The following ITGA9 variants were observed in gnomAD, a reference collection of about 807,000 sequenced individuals.
ITGA9 encodes the protein integrin subunit alpha 9.
In ITGA9, 56 loss-of-function variants were observed where a neutral mutation model predicts 127.8. That is an observed-to-expected ratio of 0.44 (90% CI 0.35 to 0.55). ITGA9 has a LOEUF of 0.55. ITGA9 is among the 20% of genes least tolerant of loss of function. ITGA9 has a pLI of 0.00. For missense variants in ITGA9, 1,196 were observed against 1,347.1 expected (o/e 0.89, Z 1.76); for synonymous variants, 508 against 514.5 (o/e 0.99, Z 0.17).
intron 3 of ITGA9, among the ~76,000 whole-genome samples, chr3:37,481,270 A>G (rs1042347397): frequency 1.3e-5 from 2 of 152,038 alleles, no homozygotes; most frequent in African/African-American, 2.4e-5. Flanking sequence ...TTGTTGATAT[A>G]TTTATTTCCT....
chr3:37,604,983 A>G (rs936817712), intron 15 of ITGA9, among the ~76,000 whole-genome samples: 2 of 152,228 alleles, frequency 1.3e-5, no homozygotes, highest in African/African-American at 4.8e-5. Context: ...AATAGACATG[A>G]GTACTCTTCA....
At chr3:37,653,233 A>G (rs1700445684) in intron 16 of ITGA9, among the ~76,000 whole-genome samples, 2 of 152,334 alleles carry the variant, frequency 1.3e-5, no homozygotes, top group South Asian at 2.1e-4. Flanking sequence ...GTTAATACTG[A>G]CAATTCAATA....
At chr3:37,557,439 C>T (rs1699441676) in intron 15 of ITGA9, among the ~76,000 whole-genome samples, 2 of 152,266 alleles carry the variant, frequency 1.3e-5, no homozygotes, top group South Asian at 2.1e-4. Context: ...TGAGGAAACC[C>T]ACCCCTTCGA....
intron 15 of ITGA9, among the ~76,000 whole-genome samples, chr3:37,588,382 C>T (rs1034507778): frequency 1.4e-5 from 2 of 142,796 alleles, no homozygotes; most frequent in Non-Finnish European, 3.1e-5. Flanking sequence ...TCTGTGCATG[C>T]GTGTGTGGAC....
Position 37,823,003 on chromosome 3 carries a change from GAT to G in ITGA9, c.*4020_*4021del, listed in dbSNP as rs1251291023. On this transcript the variant is annotated 3_prime_UTR_variant, in exon 28 of 28. Coordinates refer to ENST00000264741, the MANE Select transcript of ITGA9 (RefSeq NM_002207.3). ...TATGCACACTTTTAGCTGATATTTT[GAT>G]ATATAGAATAATAATATACACAGTG... 6.6e-6 allele frequency: 1 copy of G among 152,076 alleles called. No homozygotes were observed. Among genetic ancestry groups the G allele is most frequent in the Non-Finnish European group, 1.5e-5 (1 of 68,022 alleles). The allele number at this position is 152,076 out of a possible 1,614,324, so 9.4% of individuals were successfully genotyped here. A position where few individuals can be genotyped will look rare whatever the true frequency, so the allele number is the denominator to read the frequency against.
chr3:37,733,297 G>T (rs1056967327), intron 19 of ITGA9, among the ~76,000 whole-genome samples: 1 of 152,016 alleles, frequency 6.6e-6, no homozygotes, highest in Non-Finnish European at 1.5e-5. Context: ...AGTCACTTTG[G>T]TATTGGTATG....
At chr3:37,760,833 C>T (rs1041587505) in intron 23 of ITGA9, among the ~76,000 whole-genome samples, 1 of 152,078 alleles carries the variant, frequency 6.6e-6, no homozygotes, top group Non-Finnish European at 1.5e-5. Context: ...AAATGTTAAA[C>T]TTTTATGTGA....
chr3:37,452,874 A>T lies in ITGA9; in HGVS notation c.185+315A>T, dbSNP rs1380524462. 6.6e-6 allele frequency among the ~76,000 whole-genome samples: 1 copy of T among 151,792 alleles called. No homozygotes were observed. The highest frequency in any genetic ancestry group is 1.5e-5 in the Non-Finnish European group (1 of 67,926). ...CCGCCGCCCAGCTAGACTCGGCTTCACTCTCTGAATCGAAAAGTAACTTGG... is the reference window on the plus strand; with the variant it reads ...CCGCCGCCCAGCTAGACTCGGCTTCTCTCTCTGAATCGAAAAGTAACTTGG... On this transcript the variant is annotated intron_variant, in intron 1 of 27. Transcript: ENST00000264741. This position sits in a 1 kb window ranked among gnomAD's most constrained non-coding sequence, Gnocchi z 7.3.
intron 17 of ITGA9, among the ~76,000 whole-genome samples, chr3:37,669,171 C>T (rs1276103959): frequency 6.6e-6 from 1 of 152,202 alleles, no homozygotes; most frequent in African/African-American, 2.4e-5. Flanking sequence ...TGGTGTCACA[C>T]CCACATCCCT....
intron 15 of ITGA9, among the ~76,000 whole-genome samples, chr3:37,622,832 C>CA (rs982804010): frequency 1.0e-3 from 151 of 143,844 alleles, no homozygotes; most frequent in African/African-American, 3.3e-3. Flanking sequence ...GAAACTCTGT[C>CA]AAAAAAAAAA....
intron 5 of ITGA9, among the ~76,000 whole-genome samples, chr3:37,502,187 C>G (rs1240067205): frequency 6.7e-6 from 1 of 150,238 alleles, no homozygotes; most frequent in African/African-American, 2.5e-5. Context: ...ATGCTGAAGA[C>G]AGCTGTGCCT....
At chr3:37,520,825 CA>C (rs1392603791) in intron 11 of ITGA9, among the ~76,000 whole-genome samples, 3 of 152,174 alleles carry the variant, frequency 2.0e-5, no homozygotes, top group Non-Finnish European at 2.9e-5. Flanking sequence ...CGTGCTCGGG[CA>C]GCGGTCAGGG....
intron 13 of ITGA9, among the ~76,000 whole-genome samples, chr3:37,531,321 A>G: frequency 6.6e-6 from 1 of 152,200 alleles, no homozygotes; most frequent in Non-Finnish European, 1.5e-5. Context: ...GGCCTCTGAA[A>G]GATTTCTGGG....
At chr3:37,790,517 G>C in intron 26 of ITGA9, 1 of 290,828 alleles carries the variant, frequency 3.4e-6, no homozygotes, top group East Asian at 8.4e-5. Flanking sequence ...AGGGCGTCTG[G>C]AGCATGCACA....
chr3:37,624,164 C>T (rs74358260), intron 15 of ITGA9, among the ~76,000 whole-genome samples: 2,290 of 149,944 alleles, frequency 0.015, 54 homozygotes, highest in African/African-American at 0.051. Flanking sequence ...TAATTTACCC[C>T]GGCAGCTGCT....
In ITGA9 at chr3:37,470,361, A is replaced by G. The variant is rs533580127; in HGVS notation, c.186-646A>G. Among the ~76,000 whole-genome samples the G allele has an allele frequency of 3.2e-4, 49 of 152,214 alleles. 1 individual carries two copies. In the East Asian group the frequency reaches 8.1e-3, roughly 25 times the overall value. ...AGTGTATGAAGGTTCTAGTTACTCTATATCCTTGCCAGCACTTGGGATTTT... is the reference window on the plus strand; with the variant it reads ...AGTGTATGAAGGTTCTAGTTACTCTGTATCCTTGCCAGCACTTGGGATTTT... On this transcript the variant is annotated intron_variant, in intron 1 of 27. Coordinates refer to ENST00000264741, the MANE Select transcript of ITGA9 (RefSeq NM_002207.3).
chr3:37,776,869 C>A (rs564468355), intron 23 of ITGA9, among the ~76,000 whole-genome samples: 2 of 152,274 alleles, frequency 1.3e-5, no homozygotes, highest in South Asian at 4.1e-4. Flanking sequence ...GCTGCTCATT[C>A]CCTTTCTCTA....
intron 18 of ITGA9, among the ~76,000 whole-genome samples, chr3:37,718,047 GTTC>G (rs577021251): frequency 3.9e-5 from 6 of 152,204 alleles, no homozygotes; most frequent in Non-Finnish European, 7.3e-5. Context: ...CCTTGAACCA[GTTC>G]TTCTTCTTCC....
intron 26 of ITGA9, 66 bp from the exon 27 acceptor site, chr3:37,803,757 G>C: frequency 6.3e-7 from 1 of 1,594,038 alleles, no homozygotes; most frequent in Middle Eastern, 1.7e-4. Context: ...CTGGGTGACA[G>C]AACAAGACTC....
Sources: gnomAD v4.1 joint callset for allele counts (sites outside exome capture counted in the v4.1 genomes callset) on GRCh38, gnomAD v4.1.1 for gene constraint, Gnocchi (gnomAD v3.1) non-coding constraint, MANE v1.5 for transcripts, NCBI Gene and HGNC (gene_info 2026-07-23, HGNC 2026-07-21) for gene names.